Variants in DLEC1 observed in about 807,000 individuals in gnomAD.
The protein encoded by DLEC1 is deleted in lung and esophageal cancer protein 1.
A neutral mutation model predicts 198.1 loss-of-function variants in DLEC1; 146 were observed. That is an observed-to-expected ratio of 0.74 (90% CI 0.64 to 0.85). The LOEUF is 0.85. DLEC1 is among the 40% of genes least tolerant of loss of function. The probability of loss-of-function intolerance (pLI) is 0.00; values close to 1 mark genes in which losing one functional copy is unlikely to be tolerated. For synonymous variants in DLEC1, 897 were observed against 866.8 expected, an observed-to-expected ratio of 1.03 and a Z score of -0.61; for missense variants, 2,233 against 2,220.0, an observed-to-expected ratio of 1.01 and a Z score of -0.12.
chr3:38,117,774 A>ACCTCC (rs1700260171), intron 32 of DLEC1, 32 bp from the exon 33 acceptor site: 3 of 1,610,338 alleles, frequency 1.9e-6, no homozygotes, highest in Non-Finnish European at 2.5e-6. Flanking sequence ...GACAAGATGC[A>ACCTCC]TTCCCTGCCT....
At chr3:38,117,755 G>A in intron 32 of DLEC1, 51 bp from the exon 33 acceptor site, 1 of 1,302,312 alleles carries the variant, frequency 7.7e-7, no homozygotes, top group South Asian at 1.2e-5. Flanking sequence ...CCATGGGGTT[G>A]AAGAGAGAGA....
At chr3:38,083,760 TTTTA>T (rs774847885) in intron 6 of DLEC1, among the ~76,000 whole-genome samples, 3 of 151,850 alleles carry the variant, frequency 2.0e-5, no homozygotes, top group Non-Finnish European at 2.9e-5. Context: ...TTACCTTGTA[TTTTA>T]TTTATTTGTT....
chr3:38,042,929 G>A (rs760211760), intron 1 of DLEC1, among the ~76,000 whole-genome samples: 10 of 151,818 alleles, frequency 6.6e-5, no homozygotes, highest in Non-Finnish European at 1.0e-4. Context: ...TTCCTCACTC[G>A]TCTCTAGATG....
intron 29 of DLEC1, 25 bp downstream of exon 29, chr3:38,116,914 C>A (rs773941018): frequency 1.9e-6 from 3 of 1,611,904 alleles, no homozygotes; most frequent in Non-Finnish European, 1.7e-6. Flanking sequence ...GGGCTGGGAG[C>A]TGTCTGCATT....
chr3:38,094,388 G>T (rs1698901490), intron 12 of DLEC1, among the ~76,000 whole-genome samples: 1 of 152,134 alleles, frequency 6.6e-6, no homozygotes, highest in Admixed American at 6.5e-5. Context: ...CTATGGAGTT[G>T]CCACTGTTCC....
chr3:38,044,547 G>T (rs1700797502), intron 1 of DLEC1, among the ~76,000 whole-genome samples: 1 of 151,732 alleles, frequency 6.6e-6, no homozygotes, highest in Non-Finnish European at 1.5e-5. Context: ...TGGGCAACAA[G>T]AGCAAAACTC....
chr3:38,064,873 G>A (rs1445334829), intron 6 of DLEC1, among the ~76,000 whole-genome samples: 1 of 151,506 alleles, frequency 6.6e-6, no homozygotes, highest in Non-Finnish European at 1.5e-5. Context: ...CCGGGCAGAG[G>A]GGCTCCTCAC....
chr3:38,050,732 C>T (rs1485044972), intron 2 of DLEC1, among the ~76,000 whole-genome samples: 1 of 152,208 alleles, frequency 6.6e-6, no homozygotes, highest in African/African-American at 2.4e-5. Flanking sequence ...TAAACTATAG[C>T]AGATGGCTTC....
chr3:38,044,668 A>G (rs1237133669), intron 1 of DLEC1, among the ~76,000 whole-genome samples: 1 of 152,200 alleles, frequency 6.6e-6, no homozygotes, highest in South Asian at 2.1e-4. Flanking sequence ...CTTGCCTGCC[A>G]AGTAGCTGGG....
chr3:38,063,747 A>T, intron 5 of DLEC1, 94 bp from the exon 6 acceptor site: 1 of 908,484 alleles, frequency 1.1e-6, no homozygotes, highest in Non-Finnish European at 1.8e-6. Context: ...GATGGTCTTT[A>T]TGTATTTATT....
At chr3:38,113,409 C>T (rs928625781) in intron 25 of DLEC1, among the ~76,000 whole-genome samples, 4 of 152,010 alleles carry the variant, frequency 2.6e-5, no homozygotes, top group African/African-American at 4.8e-5. Context: ...CTATATTGTT[C>T]GCTGGGTGCA....
At chr3:38,116,393 G>A in intron 27 of DLEC1, 60 bp from the exon 28 acceptor site, 1 of 1,578,632 alleles carries the variant, frequency 6.3e-7, no homozygotes, top group African/African-American at 1.3e-5. Context: ...GGAGGAGGGG[G>A]CCCCGGGGGG....
chr3:38,081,231 G>A (rs1232866429), intron 6 of DLEC1, among the ~76,000 whole-genome samples: 11,290 of 131,348 alleles, frequency 0.086, 449 homozygotes, highest in African/African-American at 0.16. Context: ...ACACAGACAC[G>A]GCAACCATCC....
chr3:38,086,149 G>A (rs1698442887), intron 8 of DLEC1, 92 bp from the exon 9 acceptor site: 1 of 1,509,758 alleles, frequency 6.6e-7, no homozygotes, highest in Non-Finnish European at 8.9e-7. Flanking sequence ...CAGCTGTCCT[G>A]ATCTCTGGCT....
intron 6 of DLEC1, among the ~76,000 whole-genome samples, chr3:38,069,259 A>G (rs1038379195): frequency 6.6e-6 from 1 of 152,188 alleles, no homozygotes; most frequent in Non-Finnish European, 1.5e-5. Context: ...AACTTTCCAC[A>G]AAAAGAAACA....
chr3:38,095,257 T>C (rs1378767799), intron 13 of DLEC1, 186 bp downstream of exon 13: 1 of 665,906 alleles, frequency 1.5e-6, no homozygotes, highest in Non-Finnish European at 2.5e-6. Flanking sequence ...GCTCATTTTG[T>C]CTGGTCCTGA....
At chr3:38,093,989 C>T (rs1698879981) in intron 12 of DLEC1, among the ~76,000 whole-genome samples, 1 of 152,190 alleles carries the variant, frequency 6.6e-6, no homozygotes, top group African/African-American at 2.4e-5. Context: ...AAATTAAGAG[C>T]TCACTTCCTC....
chr3:38,084,341 G>A (rs1256875575), intron 7 of DLEC1, 96 bp downstream of exon 7: 11 of 920,942 alleles, frequency 1.2e-5, no homozygotes, highest in Admixed American at 2.6e-5. Context: ...TGGTAGCAAT[G>A]ATAGTAGTAG....
At chr3:38,121,116 G>A (rs1700433487) in intron 34 of DLEC1, among the ~76,000 whole-genome samples, 4 of 152,210 alleles carry the variant, frequency 2.6e-5, no homozygotes, top group Admixed American at 2.6e-4. Context: ...AGAGGCCGGG[G>A]GCAGGAGGCT....
Sources: gnomAD v4.1 joint callset for allele counts (sites outside exome capture counted in the v4.1 genomes callset) on GRCh38, gnomAD v4.1.1 for gene constraint, MANE v1.5 for transcripts, NCBI Gene and HGNC (gene_info 2026-07-23, HGNC 2026-07-21) for gene names.